The following TET3 variants were observed in gnomAD, a reference collection of about 807,000 sequenced individuals.
TET3 encodes tet methylcytosine dioxygenase 3.
TET3 carries 19 observed loss-of-function variants against 141.4 expected under a neutral mutation model. The observed-to-expected ratio is 0.13, with a 90% CI of 0.09 to 0.20. TET3 has a LOEUF of 0.20. Among genes scored for constraint, TET3 ranks in the 10% least tolerant of loss-of-function variants. TET3 has a pLI of 1.00. For missense variants in TET3, 1,874 were observed against 2,356.9 expected (o/e 0.80, Z 4.24); for synonymous variants, 1,043 against 980.9 (o/e 1.06, Z -1.18).
the TET3 span, among the ~76,000 whole-genome samples, chr2:74,127,563 A>G: frequency 2.0e-5 from 3 of 152,188 alleles, no homozygotes. Context: ...CAGCCATCCT[A>G]TATCAGATGA....
chr2:74,063,280 C>T (rs1251669012), intron 4 of TET3, among the ~76,000 whole-genome samples: 1 of 151,870 alleles, frequency 6.6e-6, no homozygotes, highest in Non-Finnish European at 1.5e-5. Flanking sequence ...GCCCAGGTGT[C>T]ACTAGGTTAA....
intron 4 of TET3, among the ~76,000 whole-genome samples, chr2:74,066,507 C>G (rs888962716): frequency 6.6e-6 from 1 of 152,076 alleles, no homozygotes; most frequent in African/African-American, 2.4e-5. Flanking sequence ...AGTTTGATAA[C>G]TTTGTTGTAA....
At chr2:74,121,612 A>T in the TET3 span, 1 of 152,240 alleles carries the variant, frequency 6.6e-6, no homozygotes, top group African/African-American at 2.4e-5. Context: ...GGCTGTTCAT[A>T]AAAATGTATA....
chr2:74,056,393 A>G (rs553730306), intron 4 of TET3, among the ~76,000 whole-genome samples: 1 of 152,210 alleles, frequency 6.6e-6, no homozygotes, highest in Admixed American at 6.5e-5. Flanking sequence ...GGAACAGAAC[A>G]TATTTTTCTA....
At chr2:73,994,634 C>CTTTTTTTTT (rs1433899024) in intron 2 of TET3, among the ~76,000 whole-genome samples, 1 of 106,378 alleles carries the variant, frequency 9.4e-6, no homozygotes, top group African/African-American at 5.4e-5. Flanking sequence ...TTCTTTCTTT[C>CTTTTTTTTT]TTTCTTTTTT....
At chr2:74,061,217 G>C (rs551608975) in intron 4 of TET3, among the ~76,000 whole-genome samples, 1 of 147,196 alleles carries the variant, frequency 6.8e-6, no homozygotes, top group South Asian at 2.1e-4. Flanking sequence ...CTCCCTCCCG[G>C]ACGGGGTGGC....
intron 3 of TET3, among the ~76,000 whole-genome samples, chr2:74,025,873 G>C (rs1179805436): frequency 1.3e-5 from 2 of 152,144 alleles, no homozygotes; most frequent in Non-Finnish European, 2.9e-5. Flanking sequence ...GGAGGCCAAG[G>C]TAGGAGGATC....
Position 74,087,398 on chromosome 2 carries a change from T to C in TET3, c.2680-432T>C, listed in dbSNP as rs573591484. 6.6e-6 allele frequency among the ~76,000 whole-genome samples: 1 copy of C among 152,274 alleles called. No homozygotes were observed. The highest frequency in any genetic ancestry group is 2.1e-4 in the South Asian group (1 of 4,828). ...GCTTTTGGAGGCATTGCCAGACTGT[T>C]TTCCACAGTGCCAAGCCCCTTGCAT... On this transcript the variant is annotated intron_variant, in intron 6 of 11. Coordinates refer to ENST00000409262, the MANE Select transcript of TET3 (RefSeq NM_001287491.2). This position sits in a 1 kb window ranked among gnomAD's most constrained non-coding sequence, Gnocchi z 4.3.
chr2:74,100,660 C>T lies in TET3; in HGVS notation c.3872C>T (p.Ser1291Phe). The T allele has an allele frequency of 1.2e-6, 2 of 1,614,070 alleles. No individual in the cohort carries two copies. Among genetic ancestry groups the T allele is most frequent in the Non-Finnish European group, 8.5e-7 (1 of 1,179,906 alleles). Residue 1291 changes from serine to phenylalanine, a missense_variant, in exon 12 of 12, where the codon TCC becomes TTC. Physicochemically the swap from Ser to Phe is radical, Grantham distance 155 (BLOSUM62 -2). Transcript: ENST00000409262. ...TCTTTTAGCTACTATGGCTTTCCAT[C>T]CAGCAACCCCGTCTTCCCCTCTCAG... ...LPSFSYYGFP[S>F]SNPVFPSQFL...
In TET3 at chr2:74,047,294, C is replaced by T; in HGVS notation, c.1377C>T (p.Pro459=). ...CCATGCCTCGCCCAAGCCCCGATCCCATGGCTGAACTGGAGCAGTTGTTGG... is the reference window on the plus strand; with the variant it reads ...CCATGCCTCGCCCAAGCCCCGATCCTATGGCTGAACTGGAGCAGTTGTTGG... ...SWPMPRPSPD[P]MAELEQLLGS... Residue 459 remains proline (P), a synonymous_variant, in exon 4 of 12, where the codon CCC becomes CCT. Transcript: ENST00000409262. 6.2e-7 allele frequency: 1 copy of T among 1,614,036 alleles called. No individual in the cohort carries two copies. The highest frequency in any genetic ancestry group is 1.1e-5 in the South Asian group (1 of 91,086).
Position 74,075,577 on chromosome 2 carries a change from C to T in TET3, c.2585+1938C>T, listed in dbSNP as rs566421929. On this transcript the variant is annotated intron_variant, in intron 5 of 11. Transcript: ENST00000409262. ...CTCCTGACCACAGGTGATCTGCCCA[C>T]GTTGGCCTCCCAAAGTGCTGGAATT... is the stretch of plus-strand genomic sequence containing the variant. Among the ~76,000 whole-genome samples, 6 of 152,148 alleles carry T rather than the reference C, an allele frequency of 3.9e-5. No homozygotes were observed. In the East Asian group the frequency reaches 9.6e-4, roughly 24 times the overall value.
chr2:74,056,962 C>T (rs1370872922), intron 4 of TET3, among the ~76,000 whole-genome samples: 2 of 152,214 alleles, frequency 1.3e-5, no homozygotes, highest in Non-Finnish European at 2.9e-5. Flanking sequence ...AGACCACCAT[C>T]TAGAAGCCAT....
the TET3 span, among the ~76,000 whole-genome samples, chr2:74,116,012 CAAAAAAA>C: frequency 1.2e-5 from 1 of 84,526 alleles, no homozygotes. Context: ...GATCTGGTCT[CAAAAAAA>C]AAAAAAAAAG....
chr2:74,067,142 AC>A (rs1280158245), intron 4 of TET3, among the ~76,000 whole-genome samples: 1 of 145,680 alleles, frequency 6.9e-6, no homozygotes, highest in Non-Finnish European at 1.5e-5. Context: ...TCCTCTCCCC[AC>A]CTCTTCACAT....
chr2:74,040,212 G>C (rs2105329391), intron 3 of TET3, among the ~76,000 whole-genome samples: 1 of 152,260 alleles, frequency 6.6e-6, no homozygotes, highest in Non-Finnish European at 1.5e-5. Context: ...AGATTGTAGA[G>C]TGGAGAAGAG....
chr2:74,017,370 C>T (rs1037357386), intron 3 of TET3, among the ~76,000 whole-genome samples: 1 of 152,182 alleles, frequency 6.6e-6, no homozygotes. Flanking sequence ...ATGTGTTAAC[C>T]AACCTTTGGG....
intron 4 of TET3, among the ~76,000 whole-genome samples, chr2:74,052,271 C>T (rs529486623): frequency 3.3e-5 from 5 of 152,164 alleles, no homozygotes; most frequent in East Asian, 1.9e-4. Context: ...TAAGCCACCA[C>T]GCCTGAACAG....
At chr2:74,133,887 G>T in the TET3 span, among the ~76,000 whole-genome samples, 1 of 152,128 alleles carries the variant, frequency 6.6e-6, no homozygotes, top group Non-Finnish European at 1.5e-5. Context: ...TGGGATTACA[G>T]GCGCGTGCCA....
chr2:74,042,232 G>A (rs912894026), intron 3 of TET3, among the ~76,000 whole-genome samples: 4 of 152,202 alleles, frequency 2.6e-5, no homozygotes, highest in African/African-American at 7.2e-5. Context: ...ATCCACAGCC[G>A]AAGTTGCAAA....
Sources: gnomAD v4.1 joint callset for allele counts (sites outside exome capture counted in the v4.1 genomes callset) on GRCh38, gnomAD v4.1.1 for gene constraint, Gnocchi (gnomAD v3.1) non-coding constraint, MANE v1.5 for transcripts, NCBI Gene and HGNC (gene_info 2026-07-23, HGNC 2026-07-21) for gene names.